The following HTR2C variants were observed in gnomAD, a reference collection of about 807,000 sequenced individuals.
HTR2C encodes 5-hydroxytryptamine receptor 2C, also known as 5-hydroxytryptamine (serotonin) receptor 2C, G protein-coupled.
In HTR2C, 5 loss-of-function variants were observed where a neutral mutation model predicts 21.0. That is an observed-to-expected ratio of 0.24 (90% CI 0.12 to 0.50). The LOEUF (loss-of-function observed/expected upper bound fraction) is 0.50. Among genes scored for constraint, HTR2C ranks in the 20% least tolerant of loss-of-function variants. The pLI is 0.98. For synonymous variants in HTR2C, 150 were observed against 145.3 expected, an observed-to-expected ratio of 1.03 and a Z score of -0.23; for missense variants, 271 against 371.2, an observed-to-expected ratio of 0.73 and a Z score of 2.22.
At chrX:114,830,160 G>T (rs1266340626) in intron 4 of HTR2C, among the ~76,000 whole-genome samples, 1 of 111,385 alleles carries the variant, frequency 9.0e-6, no homozygotes, top group Non-Finnish European at 1.9e-5. Flanking sequence ...GTGTATAGTG[G>T]TGTTGCCACT....
intron 2 of HTR2C, among the ~76,000 whole-genome samples, chrX:114,625,947 T>G (rs1437419296): frequency 9.0e-6 from 1 of 111,323 alleles, no homozygotes; most frequent in African/African-American, 3.3e-5. Flanking sequence ...TTAAATGTTA[T>G]GATATCATGA....
intron 2 of HTR2C, among the ~76,000 whole-genome samples, chrX:114,721,881 C>T (rs1201263564): frequency 1.9e-5 from 2 of 106,432 alleles, no homozygotes; most frequent in Admixed American, 2.0e-4. Context: ...ATCTATATCT[C>T]TGTTTTGGTA....
At chrX:114,897,043 G>A (rs1253843905) in intron 5 of HTR2C, among the ~76,000 whole-genome samples, 1 of 111,118 alleles carries the variant, frequency 9.0e-6, no homozygotes, top group Non-Finnish European at 1.9e-5. Flanking sequence ...TGGATTTAAG[G>A]ATTGCCATCG....
intron 4 of HTR2C, among the ~76,000 whole-genome samples, chrX:114,807,486 C>CATAT (rs1323608080): frequency 5.8e-4 from 50 of 86,096 alleles, no homozygotes; most frequent in African/African-American, 1.4e-3. Flanking sequence ...ATATATACAT[C>CATAT]ATATATATAC....
chrX:114,878,701 T>C (rs919091136), intron 5 of HTR2C, among the ~76,000 whole-genome samples: 10 of 111,122 alleles, frequency 9.0e-5, no homozygotes, highest in Non-Finnish European at 3.8e-5. Flanking sequence ...TTTTCAATCC[T>C]TTTAACTTTA....
At chrX:114,686,600 T>G (rs1288923589) in intron 2 of HTR2C, among the ~76,000 whole-genome samples, 5 of 111,074 alleles carry the variant, frequency 4.5e-5, no homozygotes, top group Non-Finnish European at 9.4e-5. Flanking sequence ...ATTTTAAATC[T>G]TTTGTTTAAT....
chrX:114,846,621 T>TA (rs781797626), intron 4 of HTR2C, among the ~76,000 whole-genome samples: 13 of 111,503 alleles, frequency 1.2e-4, no homozygotes, highest in East Asian at 5.7e-4. Flanking sequence ...TTTTTTATGA[T>TA]AAAAAAATGT....
intron 4 of HTR2C, among the ~76,000 whole-genome samples, chrX:114,787,019 G>A (rs1001320052): frequency 1.8e-5 from 2 of 111,737 alleles, no homozygotes; most frequent in Admixed American, 9.6e-5. Context: ...GGCGACTGAA[G>A]TGAAAGCAAT....
At chrX:114,695,385 A>G (rs1166806530) in intron 2 of HTR2C, among the ~76,000 whole-genome samples, 3 of 111,759 alleles carry the variant, frequency 2.7e-5, no homozygotes, top group Non-Finnish European at 5.6e-5. Context: ...GAGTAGAGAC[A>G]AGAAACAACA....
chrX:114,856,461 GA>G (rs1266060273), intron 5 of HTR2C, among the ~76,000 whole-genome samples: 1 of 100,353 alleles, frequency 1.0e-5, no homozygotes, highest in Non-Finnish European at 2.0e-5. Flanking sequence ...CACAGAATTG[GA>G]AAAAACTACT....
chrX:114,725,687 G>A (rs1326189082), intron 2 of HTR2C, among the ~76,000 whole-genome samples: 5 of 108,994 alleles, frequency 4.6e-5, no homozygotes, highest in South Asian at 4.0e-4. Flanking sequence ...GTACAGATGG[G>A]TTTTTGGTGT....
chrX:114,779,238 T>C (rs782572070), intron 4 of HTR2C, among the ~76,000 whole-genome samples: 80 of 111,663 alleles, frequency 7.2e-4, no homozygotes, highest in Non-Finnish European at 1.3e-3. Context: ...ATTTGACATA[T>C]TCATAATATC....
intron 5 of HTR2C, among the ~76,000 whole-genome samples, chrX:114,894,150 A>C (rs782784864): frequency 8.9e-6 from 1 of 111,834 alleles, no homozygotes; most frequent in African/African-American, 3.2e-5. Context: ...CAGCAATTCC[A>C]CTGCTTACAT....
intron 4 of HTR2C, among the ~76,000 whole-genome samples, chrX:114,749,682 C>T (rs1445428380): frequency 9.2e-6 from 1 of 108,732 alleles, no homozygotes; most frequent in African/African-American, 3.4e-5. Flanking sequence ...ACCTGAGTGA[C>T]AGAGTAAGAC....
At chrX:114,822,793 A>G (rs2070646532) in intron 4 of HTR2C, among the ~76,000 whole-genome samples, 1 of 112,030 alleles carries the variant, frequency 8.9e-6, no homozygotes, top group Non-Finnish European at 1.9e-5. Context: ...TAGGCTCACA[A>G]AATTTTGCAG....
intron 2 of HTR2C, among the ~76,000 whole-genome samples, chrX:114,619,430 A>G (rs1244693958): frequency 8.9e-6 from 1 of 111,748 alleles, no homozygotes; most frequent in Admixed American, 9.6e-5. Context: ...TTTATAAAAG[A>G]CAACCTGATC....
intron 4 of HTR2C, among the ~76,000 whole-genome samples, chrX:114,795,048 G>A (rs1482033906): frequency 9.2e-6 from 1 of 109,166 alleles, no homozygotes; most frequent in Non-Finnish European, 1.9e-5. Flanking sequence ...GTTGTTTCCT[G>A]ACTTTTTAAT....
intron 2 of HTR2C, among the ~76,000 whole-genome samples, chrX:114,638,941 T>A (rs1313423907): frequency 2.7e-5 from 3 of 110,411 alleles, no homozygotes; most frequent in African/African-American, 9.9e-5. Flanking sequence ...GACATTTGGA[T>A]TGGTTCCAAG....
At chrX:114,861,443 T>A (rs1287289534) in intron 5 of HTR2C, among the ~76,000 whole-genome samples, 1 of 111,453 alleles carries the variant, frequency 9.0e-6, no homozygotes, top group Non-Finnish European at 1.9e-5. Context: ...ATTCTTAGAT[T>A]GTTTCCATAT....
Sources: gnomAD v4.1 joint callset for allele counts (sites outside exome capture counted in the v4.1 genomes callset) on GRCh38, gnomAD v4.1.1 for gene constraint, MANE v1.5 for transcripts, NCBI Gene and HGNC (gene_info 2026-07-23, HGNC 2026-07-21) for gene names.